The following NBPF20 variants were observed in gnomAD, a reference collection of about 807,000 sequenced individuals.
NBPF20 encodes the protein NBPF member 20, also known as NBPF family member NBPF20.
NBPF20 carries 90 observed loss-of-function variants against 68.1 expected under a neutral mutation model. That is an observed-to-expected ratio of 1.32 (90% CI 1.11 to 1.58). The LOEUF (loss-of-function observed/expected upper bound fraction) is 1.58. Among genes scored for constraint, NBPF20 ranks in the 40% most tolerant of loss-of-function variants. The pLI is 0.00. For synonymous variants in NBPF20, 290 were observed against 228.1 expected (o/e 1.27, Z -2.45); for missense variants, 816 against 601.2 (o/e 1.36, Z -3.74).
chr1:145,378,084 C>A, exon 29 of NBPF20: 2 of 204,758 alleles, frequency 9.8e-6, no homozygotes, highest in Non-Finnish European at 1.8e-5. Flanking sequence ...CTTCTTGGTA[C>A]TTTTCAATTT....
At chr1:145,292,629 C>A (rs181010877) in intron 136 of NBPF20, 140 bp from the exon 142 acceptor site, 17 of 740,414 alleles carry the variant, frequency 2.3e-5, no homozygotes, top group East Asian at 7.3e-5. Context: ...TTTCAGGAGG[C>A]CTGAAGGCTG....
chr1:145,419,535 T>C, the NBPF20 span, among the ~76,000 whole-genome samples: 1,718 of 151,626 alleles, frequency 0.011, 22 homozygotes, highest in African/African-American at 0.021. Flanking sequence ...CCGCAACCTT[T>C]CCTGCTGCTC....
the NBPF20 span, among the ~76,000 whole-genome samples, chr1:145,410,765 CGT>C: frequency 1.0e-4 from 9 of 86,346 alleles, no homozygotes; most frequent in African/African-American, 1.8e-4. Context: ...TATATATATA[CGT>C]ATATATATAT....
intron 3 of NBPF20, 146 bp downstream of exon 8, chr1:145,403,070 G>A (rs1270980436): frequency 2.7e-5 from 24 of 904,732 alleles, no homozygotes; most frequent in Admixed American, 9.5e-5. Flanking sequence ...TTCTCTGTTT[G>A]ATAAATATTT....
chr1:145,424,843 C>T, the NBPF20 span, among the ~76,000 whole-genome samples: 1 of 152,196 alleles, frequency 6.6e-6, no homozygotes, highest in South Asian at 2.1e-4. Flanking sequence ...GTGATGGCTA[C>T]AAATGCTCCT....
At chr1:145,407,209 A>G (rs1457393341), upstream of NBPF20, among the ~76,000 whole-genome samples, 2 of 150,586 alleles carry the variant, frequency 1.3e-5, no homozygotes, top group African/African-American at 4.9e-5. Context: ...GTTCTCACTC[A>G]TGGGTGGGAA....
At position 145,292,637 on chromosome 1, in the gene NBPF20, C is replaced by T. The variant is rs879998599; in HGVS notation, c.16589-148G>A. The T allele has an allele frequency of 5.3e-5, 39 of 737,700 alleles. 1 individual carries two copies. The highest frequency in any genetic ancestry group is 5.2e-4 in the South Asian group (36 of 69,702). 45.7% of individuals were successfully genotyped at this position (737,700 alleles called of 1,614,324 possible). ...AGATATATTTCAGGAGGCCTGAAGG[C>T]TGTTCATGATAGAACTTCCTCGGTT... is the stretch of plus-strand genomic sequence containing the variant. On this transcript the variant is annotated intron_variant, in intron 136 of 137. Coordinates refer to ENST00000369373, the Ensembl canonical transcript of NBPF20.
chr1:145,417,365 G>A, the NBPF20 span, among the ~76,000 whole-genome samples: 1 of 147,174 alleles, frequency 6.8e-6, no homozygotes, highest in Non-Finnish European at 1.5e-5. Flanking sequence ...AATCCTAAGA[G>A]ATAAAATAGG....
chr1:145,410,710 G>T, the NBPF20 span, among the ~76,000 whole-genome samples: 11 of 140,060 alleles, frequency 7.9e-5, no homozygotes, highest in Admixed American at 1.4e-4. Context: ...ATGTGTGTGT[G>T]TGTGTGTGTG....
intron 137 of NBPF20, 30 bp downstream of exon 142, chr1:145,292,351 A>C (rs782154625): frequency 2.1e-4 from 142 of 663,966 alleles, no homozygotes; most frequent in Non-Finnish European, 3.4e-5. Flanking sequence ...GTTAACACAG[A>C]ATTAAGCATC....
the NBPF20 span, among the ~76,000 whole-genome samples, chr1:145,423,834 A>G: frequency 4.6e-5 from 7 of 152,208 alleles, no homozygotes; most frequent in Admixed American, 2.0e-4. Context: ...TTGGGAAAAC[A>G]TTCAACAATA....
At chr1:145,393,524 C>A (rs1553662770) in intron 9 of NBPF20, among the ~76,000 whole-genome samples, 2 of 151,890 alleles carry the variant, frequency 1.3e-5, no homozygotes, top group Non-Finnish European at 2.9e-5. Context: ...AGGTGACACA[C>A]TGATGAGGGA....
the NBPF20 span, among the ~76,000 whole-genome samples, chr1:145,421,598 C>T: frequency 6.6e-6 from 1 of 152,040 alleles, no homozygotes; most frequent in African/African-American, 2.4e-5. Flanking sequence ...GAATAAGAGA[C>T]AAAATCTCAA....
exon 1 of NBPF20, chr1:145,405,423 G>C (rs1662733854): frequency 6.4e-7 from 1 of 1,574,596 alleles, no homozygotes; most frequent in African/African-American, 1.4e-5. Flanking sequence ...TGTGAAAAAT[G>C]TGATCACTCC....
the NBPF20 span, among the ~76,000 whole-genome samples, chr1:145,417,621 CAAAAAA>C: frequency 1.3e-4 from 7 of 53,174 alleles, 1 homozygote; most frequent in South Asian, 8.1e-4. Context: ...CAACACAAAG[CAAAAAA>C]AAAAAAAAAA....
At chr1:145,311,883 T>C (rs1439916978) in intron 112 of NBPF20, among the ~76,000 whole-genome samples, 1 of 111,902 alleles carries the variant, frequency 8.9e-6, no homozygotes, top group Non-Finnish European at 1.8e-5. Flanking sequence ...GAAATTAGAG[T>C]GAAGGATGAA....
exon 9 of NBPF20, chr1:145,393,902 T>C (rs1553662998): frequency 6.5e-7 from 1 of 1,534,492 alleles, no homozygotes. Flanking sequence ...TGTTGCCTCT[T>C]GGTCCTCCTT....
At chr1:145,291,901 A>C in intron 137 of NBPF20, 132 bp from the exon 143 acceptor site, 1 of 1,563,326 alleles carries the variant, frequency 6.4e-7, no homozygotes, top group Non-Finnish European at 8.6e-7. Flanking sequence ...AGGTAAAAAA[A>C]AAATTTATTG....
intron 137 of NBPF20, among the ~76,000 whole-genome samples, 189 bp downstream of exon 142, chr1:145,292,192 G>A (rs587657624): frequency 2.7e-5 from 4 of 149,966 alleles, no homozygotes; most frequent in East Asian, 1.9e-4. Flanking sequence ...CCTATGGCAC[G>A]TTAGTAAAAG....
Sources: gnomAD v4.1 joint callset for allele counts (sites outside exome capture counted in the v4.1 genomes callset) on GRCh38, gnomAD v4.1.1 for gene constraint, MANE v1.5 for transcripts, NCBI Gene and HGNC (gene_info 2026-07-23, HGNC 2026-07-21) for gene names.